The following SLC25A51 variants were observed in gnomAD, a reference collection of about 807,000 sequenced individuals.
SLC25A51 encodes the protein mitochondrial nicotinamide adenine dinucleotide transporter SLC25A51.
Under a neutral mutation model 19.1 loss-of-function variants are expected in SLC25A51, and 11 were observed. The observed-to-expected ratio is 0.58, with a 90% CI of 0.36 to 0.96. SLC25A51 has a LOEUF of 0.96. Ranked by LOEUF, SLC25A51 falls within the 40% of genes least tolerant of loss-of-function variation. The pLI is 0.01. For synonymous variants in SLC25A51, 105 were observed against 133.6 expected (o/e 0.79, Z 1.47); for missense variants, 201 against 365.4 (o/e 0.55, Z 3.67).
chr9:37,891,989 C>T lies in SLC25A51; in HGVS notation c.-42-3397G>A, dbSNP rs554197238. On this transcript the variant is annotated intron_variant, in intron 2 of 2. Transcript: ENST00000242275. ...AATACAAATGCTCAATAGTAAAAGA[C>T]ACAATGTGTAAGTGAAGATGTATCC... Among the ~76,000 whole-genome samples, 9 of 146,592 alleles carry T rather than the reference C, an allele frequency of 6.1e-5. No homozygotes were observed. In the South Asian group the frequency reaches 1.7e-3, roughly 28 times the overall value.
chr9:37,887,486 G>A, downstream of SLC25A51: 1 of 727,318 alleles, frequency 1.4e-6, no homozygotes, highest in South Asian at 2.1e-5. Flanking sequence ...AGGACTTGGA[G>A]GAGAAATCCC....
At position 37,887,721 on chromosome 9, in the gene SLC25A51, T is replaced by C; in HGVS notation, c.830A>G (p.His277Arg). ...NLFRGAHLNY[H>R]RSLISWGIIN... ...TATGCCCCAAGAGATGAGGGACCGA[T>C]GGTAATTCAGATGGGCACCTCTGAA... Residue 277 changes from histidine (H) to arginine (R), a missense_variant, in exon 3 of 3, where the codon CAT (histidine) becomes CGT (arginine). Transcript: ENST00000242275. 3 of 1,613,896 alleles carry C rather than the reference T, an allele frequency of 1.9e-6. No individual in the cohort carries two copies. Among genetic ancestry groups the C allele is most frequent in the South Asian group, 1.1e-5 (1 of 91,072 alleles).
downstream of SLC25A51, chr9:37,885,629 C>T (rs1235349125): frequency 2.5e-6 from 2 of 810,472 alleles, no homozygotes; most frequent in Non-Finnish European, 4.4e-6. Flanking sequence ...ATACGGCGCC[C>T]AACGTGGGCC....
exon 4 of SLC25A51, chr9:37,880,073 A>G (rs1358497293): frequency 2.0e-5 from 3 of 152,250 alleles, no homozygotes; most frequent in Non-Finnish European, 4.4e-5. Context: ...TAATCCCAGC[A>G]CTTTGGGAGG....
downstream of SLC25A51, chr9:37,885,900 G>A (rs1831445515): frequency 6.2e-7 from 1 of 1,604,224 alleles, no homozygotes; most frequent in Admixed American, 1.7e-5. Flanking sequence ...CCATATATGG[G>A]CCCTGAGTAT....
chr9:37,884,153 C>A (rs1831400649), downstream of SLC25A51, among the ~76,000 whole-genome samples: 1 of 152,194 alleles, frequency 6.6e-6, no homozygotes, highest in African/African-American at 2.4e-5. Context: ...TCTTTAGCTA[C>A]ATAATATTTA....
chr9:37,881,952 A>G (rs574312986), intron 2 of SLC25A51, among the ~76,000 whole-genome samples: 1 of 152,326 alleles, frequency 6.6e-6, no homozygotes, highest in African/African-American at 2.4e-5. Flanking sequence ...ACTCTGAAAC[A>G]TTTAACAGAT....
intron 2 of SLC25A51, among the ~76,000 whole-genome samples, chr9:37,896,940 G>C (rs920811422): frequency 7.2e-5 from 11 of 152,116 alleles, no homozygotes; most frequent in African/African-American, 2.7e-4. Flanking sequence ...TTAGACTATA[G>C]GGAGATAAGT....
At chr9:37,893,347 G>C (rs1380868858) in intron 2 of SLC25A51, among the ~76,000 whole-genome samples, 1 of 152,242 alleles carries the variant, frequency 6.6e-6, no homozygotes, top group Admixed American at 6.5e-5. Context: ...CTGCTTTGCT[G>C]TCATGTTCCT....
At chr9:37,885,890 C>A, downstream of SLC25A51, 1 of 1,602,038 alleles carries the variant, frequency 6.2e-7, no homozygotes, top group Non-Finnish European at 8.6e-7. Context: ...CCCCCCCTCC[C>A]CATATATGGG....
intron 2 of SLC25A51, 31 bp from the exon 3 acceptor site, chr9:37,888,623 C>A (rs765577041): frequency 1.3e-6 from 2 of 1,504,824 alleles, no homozygotes; most frequent in African/African-American, 1.4e-5. Flanking sequence ...CGGGTAAACC[C>A]GTTTTATAGA....
In SLC25A51 at chr9:37,889,710, C is replaced by G. The variant is rs142255298; in HGVS notation, c.-42-1118G>C. On this transcript the variant is annotated intron_variant, in intron 2 of 2. Transcript: ENST00000242275. ...CACAGATGGCAATGACTTTGTGAGG[C>G]TGCCCTGGGATAAGAGGTGGCTATA... Among the ~76,000 whole-genome samples, 605 of 149,342 alleles carry G rather than the reference C, an allele frequency of 4.1e-3. 5 individuals are homozygous for G. The highest frequency in any genetic ancestry group is 0.014 in the African/African-American group (552 of 40,346).
At position 37,879,501 on chromosome 9, in the gene SLC25A51, C is replaced by A. The variant is rs191917677; in HGVS notation, n.1770G>T. On this transcript the variant is annotated non_coding_transcript_exon_variant, in exon 4 of 4. Coordinates refer to the SLC25A51 transcript ENST00000496760. Reference sequence around the variant, plus strand: ...GTGACAAGAAAATCAGAGAAAACATCATTGCATTTTTAGGGGGAAAACTAC... The same window carrying A: ...GTGACAAGAAAATCAGAGAAAACATAATTGCATTTTTAGGGGGAAAACTAC... The A allele has an allele frequency of 1.6e-3, 250 of 160,808 alleles. 1 individual carries two copies. Among genetic ancestry groups the A allele is most frequent in the African/African-American group, 5.3e-3 (222 of 41,742 alleles). The allele number at this position is 160,808 out of a possible 1,614,324, so 10.0% of individuals were successfully genotyped here. A position where few individuals can be genotyped will look rare whatever the true frequency, so the allele number is the denominator to read the frequency against.
intron 1 of SLC25A51, among the ~76,000 whole-genome samples, chr9:37,900,985 C>A (rs1216763370): frequency 6.6e-6 from 1 of 152,004 alleles, no homozygotes; most frequent in Non-Finnish European, 1.5e-5. Flanking sequence ...TCCACCTCAG[C>A]CATCTGAGTA....
intron 2 of SLC25A51, 102 bp from the exon 3 acceptor site, chr9:37,888,694 C>G (rs1010434331): frequency 3.3e-6 from 3 of 912,672 alleles, no homozygotes; most frequent in Non-Finnish European, 4.9e-6. Context: ...CCACACTTTC[C>G]TTTTCAGACT....
chr9:37,879,104 G>T, downstream of SLC25A51: 2 of 353,420 alleles, frequency 5.7e-6, no homozygotes, highest in South Asian at 2.6e-5. Context: ...TGGAAATTTT[G>T]GCATTCCATG....
At chr9:37,892,583 C>CT (rs1005904190) in intron 2 of SLC25A51, among the ~76,000 whole-genome samples, 69 of 149,600 alleles carry the variant, frequency 4.6e-4, no homozygotes, top group Non-Finnish European at 7.1e-4. Flanking sequence ...TTTTCTTTTT[C>CT]TTTTTTTTTG....
chr9:37,891,434 A>G (rs1024283282), intron 2 of SLC25A51, among the ~76,000 whole-genome samples: 3 of 152,242 alleles, frequency 2.0e-5, no homozygotes, highest in African/African-American at 7.2e-5. Flanking sequence ...ATGTGGGGAA[A>G]AGACAGAGAA....
chr9:37,883,624 C>T (rs963652838), downstream of SLC25A51, among the ~76,000 whole-genome samples: 1 of 152,202 alleles, frequency 6.6e-6, no homozygotes, highest in Admixed American at 6.5e-5. Flanking sequence ...AACCCACCTG[C>T]CCTGGGCTGA....
Sources: allele counts gnomAD v4.1 joint callset (sites outside exome capture counted in the v4.1 genomes callset), GRCh38; gene constraint gnomAD v4.1.1; transcripts MANE v1.5; gene names NCBI Gene and HGNC (gene_info 2026-07-23, HGNC 2026-07-21).